Variants in UBE2S observed in about 807,000 individuals in gnomAD.
UBE2S encodes the protein ubiquitin-conjugating enzyme E2 S.
A neutral mutation model predicts 12.3 loss-of-function variants in UBE2S; 3 were observed. The observed-to-expected ratio is 0.24, with a 90% CI of 0.11 to 0.63. UBE2S has a LOEUF of 0.63. UBE2S is among the 30% of genes least tolerant of loss of function. The pLI, the probability that UBE2S is intolerant of heterozygous loss-of-function variation, is 0.85. For synonymous variants in UBE2S, 133 were observed against 142.0 expected (o/e 0.94, Z 0.45); for missense variants, 211 against 313.9 (o/e 0.67, Z 2.48).
At chr19:55,407,001 G>A (rs760893964) in intron 1 of UBE2S, 39 bp from the exon 2 acceptor site, 5 of 1,602,564 alleles carry the variant, frequency 3.1e-6, no homozygotes, top group Non-Finnish European at 4.3e-6. Context: ...CGAGTGTTAA[G>A]AGCTGGGCTT....
intron 3 of UBE2S, among the ~76,000 whole-genome samples, chr19:55,402,124 G>A (rs1042744848): frequency 2.0e-5 from 3 of 152,164 alleles, no homozygotes; most frequent in Admixed American, 6.5e-5. Flanking sequence ...TTTTGAATTT[G>A]CCTCCATGCA....
In UBE2S at chr19:55,401,385, G is replaced by C. The variant is rs10402826; in HGVS notation, c.*51C>G. On this transcript the variant is annotated 3_prime_UTR_variant, in exon 4 of 4. Transcript: ENST00000264552. ...TAAATAACTTAGAGACAGAGTTGGAGGGAGGGGACAGGAGAGGTTGGGGTC... is the reference window on the plus strand; with the variant it reads ...TAAATAACTTAGAGACAGAGTTGGACGGAGGGGACAGGAGAGGTTGGGGTC... The C allele has an allele frequency of 2.7e-5, 33 of 1,230,986 alleles. No homozygotes were observed. The African/African-American group carries it at 3.9e-4, about 15-fold the overall frequency. 76.3% of individuals were successfully genotyped at this position (1,230,986 alleles called of 1,614,324 possible).
Position 55,407,628 on chromosome 19 carries a change from T to A in UBE2S, c.-39A>T. ...CGGGGGCGGGTCCCCCCGGCCCCCT[T>A]CCTGCGTTCTTCGGTCCGCCGGCCG... On this transcript the variant is annotated 5_prime_UTR_variant, in exon 1 of 4. Transcript: ENST00000264552. The A allele has an allele frequency of 7.5e-7, 1 of 1,342,226 alleles. No individual in the cohort carries two copies. The highest frequency in any genetic ancestry group is 9.6e-7 in the Non-Finnish European group (1 of 1,046,784). 83.1% of individuals were successfully genotyped at this position (1,342,226 alleles called of 1,614,324 possible).
In UBE2S at chr19:55,407,753, C is replaced by G. The variant is rs1053149180; in HGVS notation, c.-164G>C. 2.3e-6 allele frequency: 1 copy of G among 442,422 alleles called. No individual in the cohort carries two copies. Among genetic ancestry groups the G allele is most frequent in the Non-Finnish European group, 3.6e-6 (1 of 278,388 alleles). The allele number at this position is 442,422 out of a possible 1,614,324, so 27.4% of individuals were successfully genotyped here. On this transcript the variant is annotated 5_prime_UTR_variant, in exon 1 of 4. Coordinates refer to ENST00000264552, the MANE Select transcript of UBE2S (RefSeq NM_014501.3). ...CGACGTCCGCCGCGCACAGCGTAGA[C>G]CAACCCGCCGCCCCGGTGCCCGGCA...
intron 3 of UBE2S, among the ~76,000 whole-genome samples, chr19:55,402,574 C>G (rs371951537): frequency 1.3e-5 from 2 of 152,220 alleles, no homozygotes; most frequent in East Asian, 3.9e-4. Flanking sequence ...GACACATACA[C>G]AGTACCTGGC....
At position 55,406,859 on chromosome 19, in the gene UBE2S, T is replaced by C; in HGVS notation, c.107A>G (p.Asn36Ser). The change falls in exon 2 of 4, where the codon AAC (asparagine) becomes AGC (serine). Residue 36 changes from asparagine (N) to serine (S), a missense_variant. By Grantham distance (46) the Asn-to-Ser change is conservative. Coordinates refer to ENST00000264552, the MANE Select transcript of UBE2S (RefSeq NM_014501.3). ...DPPDGIKVFP[N>S]EEDLTDLQVT... is the part of the protein sequence containing the mutation. Reference sequence around the variant, plus strand: ...CTGGAGGTCGGTGAGGTCCTCCTCGTTGGGAAAGACCTTGATGCCATCGGG... The same window carrying C: ...CTGGAGGTCGGTGAGGTCCTCCTCGCTGGGAAAGACCTTGATGCCATCGGG... 1 of 1,613,772 alleles carries C rather than the reference T, an allele frequency of 6.2e-7. No individual in the cohort carries two copies. Among genetic ancestry groups the C allele is most frequent in the Non-Finnish European group, 8.5e-7 (1 of 1,179,828 alleles).
chr19:55,406,076 C>T (rs952232043), intron 2 of UBE2S, among the ~76,000 whole-genome samples: 2 of 152,212 alleles, frequency 1.3e-5, no homozygotes, highest in Admixed American at 1.3e-4. Context: ...AAGAGCTTGG[C>T]AGCTTCATCA....
intron 1 of UBE2S, 94 bp downstream of exon 1, chr19:55,407,493 C>A: frequency 2.2e-6 from 3 of 1,393,410 alleles, no homozygotes; most frequent in Non-Finnish European, 1.9e-6. Flanking sequence ...GCCCTCAAAC[C>A]CCTCAAGGCC....
In UBE2S at chr19:55,406,923, G is replaced by C. The variant is rs531211876; in HGVS notation, c.43C>G (p.Leu15Val). Reference sequence around the variant, plus strand: ...AGTGTCGTCACCTCCTTGTACACCAGGCGGATGATGTGCGGGGGTAGGTTC... The same window carrying C: ...AGTGTCGTCACCTCCTTGTACACCACGCGGATGATGTGCGGGGGTAGGTTC... ...VENLPPHIIR[L>V]VYKEVTTLTA... Residue 15 changes from leucine to valine, a missense_variant, in exon 2 of 4, where the codon CTG (leucine) becomes GTG (valine). Around this residue, in one of 2 missense-constraint regions of UBE2S, gnomAD observed 127 missense variants for 224.0 expected, o/e 0.57. Transcript: ENST00000264552. 2 of 1,613,896 alleles carry C rather than the reference G, an allele frequency of 1.2e-6. No individual in the cohort carries two copies. Among genetic ancestry groups the C allele is most frequent in the Middle Eastern group, 1.7e-4 (1 of 6,058 alleles).
chr19:55,403,756 TTTGAGATAGAGTC>T (rs2090078458), intron 3 of UBE2S, among the ~76,000 whole-genome samples: 1 of 151,092 alleles, frequency 6.6e-6, no homozygotes, highest in African/African-American at 2.4e-5. Context: ...TTTTTTTTTT[TTTGAGATAGAGTC>T]TCACTCTGTC....
intron 1 of UBE2S, 23 bp downstream of exon 1, chr19:55,407,564 T>C: frequency 6.6e-7 from 1 of 1,511,732 alleles, no homozygotes; most frequent in Non-Finnish European, 8.8e-7. Flanking sequence ...ACCACCTTCA[T>C]GGGCCTCATC....
chr19:55,401,214 G>A lies in UBE2S; in HGVS notation c.*222C>T. ...TTTACAAGGACCCAGGGCCTGTGCAGGGGAGCCAAACTCCCAGAGCCACAT... is the reference window on the plus strand; with the variant it reads ...TTTACAAGGACCCAGGGCCTGTGCAAGGGAGCCAAACTCCCAGAGCCACAT... On this transcript the variant is annotated 3_prime_UTR_variant, in exon 4 of 4. Transcript: ENST00000264552. 3.3e-6 allele frequency: 2 copies of A among 607,528 alleles called. No homozygotes were observed. The highest frequency in any genetic ancestry group is 5.7e-6 in the Non-Finnish European group (2 of 348,546). 37.6% of individuals were successfully genotyped at this position (607,528 alleles called of 1,614,324 possible).
At position 55,401,596 on chromosome 19, in the gene UBE2S, G is replaced by A. The variant is rs1217946445; in HGVS notation, c.509C>T (p.Ala170Val). The A allele has an allele frequency of 2.5e-6, 4 of 1,607,696 alleles. No individual in the cohort carries two copies. The highest frequency in any genetic ancestry group is 1.1e-5 in the South Asian group (1 of 90,826). Reference protein sequence around the residue: ...GPSGRAEAGRALASGTEASST... With the variant: ...GPSGRAEAGRVLASGTEASST... ...GGAAGCTTCAGTGCCACTGGCCAGG[G>A]CCCGACCGGCTTCGGCCCTGCCGCT... is the stretch of plus-strand genomic sequence containing the variant. Residue 170 changes from alanine to valine, a missense_variant, in exon 4 of 4, where the codon GCC (alanine) becomes GTC (valine). Coordinates refer to ENST00000264552, the MANE Select transcript of UBE2S (RefSeq NM_014501.3).
chr19:55,406,971 G>A lies in UBE2S; in HGVS notation c.4-9C>T, dbSNP rs780035134. The A allele has an allele frequency of 2.2e-5, 36 of 1,612,930 alleles. No homozygotes were observed. Among genetic ancestry groups the A allele is most frequent in the Non-Finnish European group, 2.6e-5 (31 of 1,179,406 alleles). On this transcript the variant is annotated splice_polypyrimidine_tract_variant and intron_variant, in intron 1 of 3. Coordinates refer to ENST00000264552, the MANE Select transcript of UBE2S (RefSeq NM_014501.3). ...TTCTCCACGTTGGAGTTCTGGGCACGGATGGGAGAGCAGGGTGAGCGAGTG... is the reference window on the plus strand; with the variant it reads ...TTCTCCACGTTGGAGTTCTGGGCACAGATGGGAGAGCAGGGTGAGCGAGTG...
chr19:55,403,561 G>A (rs2090076866), intron 3 of UBE2S, among the ~76,000 whole-genome samples: 1 of 151,882 alleles, frequency 6.6e-6, no homozygotes, highest in Non-Finnish European at 1.5e-5. Context: ...GAAAGAAAGA[G>A]CTTCTAACTA....
rs765091710 is a variant in UBE2S, at chr19:55,401,424, G to A, written c.*12C>T. On this transcript the variant is annotated 3_prime_UTR_variant, in exon 4 of 4. Transcript: ENST00000264552. ...GAGGTTGGGGTCACGGTGGAAGGAG[G>A]AAGAGAGCCCACTACAGCCGCCGCA... The A allele has an allele frequency of 7.0e-6, 11 of 1,582,664 alleles. No individual in the cohort carries two copies. The African/African-American group carries it at 9.4e-5, about 14-fold the overall frequency.
rs969244192 is a variant in UBE2S at position 55,407,712 on chromosome 19, C to T, written c.-123G>A. The stretch of plus-strand genomic sequence containing the variant: ...TGGAGAGGCCCCGGCGGCCCCGCTC[C>T]GCTCCCCGCTGCCTCCGACGTCCGC... On this transcript the variant is annotated 5_prime_UTR_variant, in exon 1 of 4. Coordinates refer to ENST00000264552, the MANE Select transcript of UBE2S (RefSeq NM_014501.3). 1.1e-5 allele frequency: 8 copies of T among 717,626 alleles called. No individual in the cohort carries two copies. Among genetic ancestry groups the T allele is most frequent in the African/African-American group, 1.9e-5 (1 of 53,902 alleles). 44.5% of individuals were successfully genotyped at this position (717,626 alleles called of 1,614,324 possible). A position where few individuals can be genotyped will look rare whatever the true frequency, so the allele number is the denominator to read the frequency against.
In UBE2S at chr19:55,404,004, T is replaced by TCCTTG; in HGVS notation, c.342+279_342+283dup. ...GATCCACCACACCTGGCCTACCCTA[T>TCCTTG]CCTTGTTTTTTAAAAAAAAGGGAGA... On this transcript the variant is annotated intron_variant, in intron 3 of 3. Transcript: ENST00000264552. The surrounding 1 kb of genome is among the most constrained non-coding windows in gnomAD (Gnocchi z 4.4). 2.6e-6 allele frequency: 1 copy of TCCTTG among 384,838 alleles called. No homozygotes were observed. The highest frequency in any genetic ancestry group is 4.8e-6 in the Non-Finnish European group (1 of 209,332). The allele number at this position is 384,838 out of a possible 1,614,324, so 23.8% of individuals were successfully genotyped here.
chr19:55,402,752 A>G (rs1459900717), intron 3 of UBE2S, among the ~76,000 whole-genome samples: 1 of 152,124 alleles, frequency 6.6e-6, no homozygotes, highest in African/African-American at 2.4e-5. Context: ...CTCGGTGCCA[A>G]TGTCCCCAGC....
Sources: allele counts gnomAD v4.1 joint callset (sites outside exome capture counted in the v4.1 genomes callset), GRCh38; gene constraint gnomAD v4.1.1; regional missense constraint gnomAD v4.1.1; non-coding constraint Gnocchi (gnomAD v3.1); transcripts MANE v1.5; gene names NCBI Gene and HGNC (gene_info 2026-07-23, HGNC 2026-07-21).